KCNAB2: variants seen among roughly 807,000 people sequenced by gnomAD.
The protein encoded by KCNAB2 is voltage-gated potassium channel subunit beta-2.
In KCNAB2, 29 loss-of-function variants were observed where a neutral mutation model predicts 63.6. That is an observed-to-expected ratio of 0.46 (90% CI 0.34 to 0.62). The LOEUF (loss-of-function observed/expected upper bound fraction) is 0.62. Ranked by LOEUF, KCNAB2 falls within the 20% of genes least tolerant of loss-of-function variation. KCNAB2 has a pLI of 0.01. For synonymous variants in KCNAB2, 222 were observed against 224.2 expected (o/e 0.99, Z 0.09); for missense variants, 359 against 563.9 (o/e 0.64, Z 3.68).
rs914604786 is a variant in KCNAB2 at position 6,035,404 on chromosome 1, C to T, written c.-53+610C>T. Among the ~76,000 whole-genome samples the T allele has an allele frequency of 3.3e-5, 5 of 151,926 alleles. No homozygotes were observed. Among genetic ancestry groups the T allele is most frequent in the Non-Finnish European group, 4.4e-5 (3 of 68,004 alleles). On this transcript the variant is annotated intron_variant, in intron 1 of 15. Coordinates refer to the KCNAB2 transcript ENST00000164247. This position sits in a 1 kb window ranked among gnomAD's most constrained non-coding sequence, Gnocchi z 5.0. ...ACCCTGGCCGCGTAGAGTCTGCCGG[C>T]GGGGGTGGAGGTGGGCGCAGGGAAT...
chr1:6,006,609 C>G (rs1209659719), intron 1 of KCNAB2, among the ~76,000 whole-genome samples: 4 of 3,824 alleles, frequency 1.0e-3, no homozygotes, highest in South Asian at 0.01. Context: ...CTCAGCTCAG[C>G]TCCCACATCC....
chr1:6,089,135 A>C, intron 8 of KCNAB2, 84 bp downstream of exon 8: 3 of 1,397,094 alleles, frequency 2.1e-6, no homozygotes, highest in African/African-American at 2.9e-5. Flanking sequence ...ACAGGGCCCG[A>C]CCCCCCCAGT....
intron 5 of KCNAB2, among the ~76,000 whole-genome samples, chr1:6,084,765 G>A (rs538830922): frequency 1.8e-4 from 24 of 133,562 alleles, no homozygotes; most frequent in East Asian, 1.1e-3. Flanking sequence ...GCAGAGAGCC[G>A]AGATCTCGCC....
chr1:6,058,329 A>T (rs1359285596), intron 2 of KCNAB2, among the ~76,000 whole-genome samples: 3 of 152,222 alleles, frequency 2.0e-5, no homozygotes, highest in Admixed American at 2.0e-4. Context: ...GACCTGCCAC[A>T]GGCCCCAAGG....
chr1:6,095,113 TG>T (rs1665505446), intron 11 of KCNAB2, among the ~76,000 whole-genome samples: 1 of 152,354 alleles, frequency 6.6e-6, no homozygotes, highest in African/African-American at 2.4e-5. Context: ...CCCTCCGGCC[TG>T]GGGGTCCCAC....
chr1:6,030,404 A>G (rs1323128551), upstream of KCNAB2, among the ~76,000 whole-genome samples: 1 of 152,206 alleles, frequency 6.6e-6, no homozygotes, highest in Non-Finnish European at 1.5e-5. Flanking sequence ...AAAGCAAGTC[A>G]CATGGTTGCA....
intron 1 of KCNAB2, among the ~76,000 whole-genome samples, chr1:6,001,326 ACACACT>A (rs757867688): frequency 1.3e-5 from 2 of 148,444 alleles, no homozygotes; most frequent in Non-Finnish European, 3.0e-5. Flanking sequence ...ACACACACAC[ACACACT>A]CTCCCAACAC....
At chr1:6,005,548 C>T (rs1335566513) in intron 1 of KCNAB2, among the ~76,000 whole-genome samples, 1 of 150,544 alleles carries the variant, frequency 6.6e-6, no homozygotes, top group Admixed American at 6.6e-5. Context: ...GAGGGTCCCC[C>T]CTACCCCCCA....
chr1:6,052,105 C>T (rs1196360120), intron 2 of KCNAB2, among the ~76,000 whole-genome samples: 1 of 151,230 alleles, frequency 6.6e-6, no homozygotes, highest in African/African-American at 2.4e-5. Context: ...ACTGTCTCAA[C>T]AACAACAACA....
In KCNAB2 at chr1:6,100,293, C is replaced by A; in HGVS notation, c.*1719C>A. ...TGCCCCTGGCGCCTAGAACCCTTGC[C>A]CCTCCTCATAGACCAAGTCCCGGGG... On this transcript the variant is annotated 3_prime_UTR_variant, in exon 16 of 16. Coordinates refer to ENST00000378083, the MANE Select transcript of KCNAB2 (RefSeq NM_001199862.2). The A allele has an allele frequency of 2.3e-6, 1 of 432,334 alleles. No individual in the cohort carries two copies. The highest frequency in any genetic ancestry group is 6.1e-4 in the Middle Eastern group (1 of 1,634). 26.8% of individuals were successfully genotyped at this position (432,334 alleles called of 1,614,324 possible). A position where few individuals can be genotyped will look rare whatever the true frequency, so the allele number is the denominator to read the frequency against.
At position 6,096,838 on chromosome 1, in the gene KCNAB2, A is replaced by G; in HGVS notation, c.1069+82A>G. 3.5e-6 allele frequency: 5 copies of G among 1,448,884 alleles called. No individual in the cohort carries two copies. In the East Asian group the frequency reaches 1.3e-4, roughly 37 times the overall value. The allele number at this position is 1,448,884 out of a possible 1,614,324, so 89.8% of individuals were successfully genotyped here. A position where few individuals can be genotyped will look rare whatever the true frequency, so the allele number is the denominator to read the frequency against. On this transcript the variant is annotated intron_variant, in intron 14 of 15. Transcript: ENST00000378083. The surrounding 1 kb of genome is among the most constrained non-coding windows in gnomAD (Gnocchi z 5.9). ...CCGTAGGTAACAGGGTGGGGTTGCC[A>G]TGGGGCCAGTGTCTCCGGGGAGAGA...
chr1:5,999,283 G>A (rs921103298), intron 1 of KCNAB2, among the ~76,000 whole-genome samples: 1 of 152,176 alleles, frequency 6.6e-6, no homozygotes, highest in Non-Finnish European at 1.5e-5. Context: ...AGGCTTGTAG[G>A]GTGTGGCACC....
intron 2 of KCNAB2, chr1:6,040,724 T>TC: frequency 1.1e-6 from 1 of 897,184 alleles, no homozygotes; most frequent in East Asian, 2.6e-5. Flanking sequence ...GCCACTGTCC[T>TC]CCCCTCTGGA....
chr1:6,063,382 C>G (rs898713446), intron 2 of KCNAB2, among the ~76,000 whole-genome samples: 3 of 151,034 alleles, frequency 2.0e-5, no homozygotes, highest in Admixed American at 1.3e-4. Flanking sequence ...ATCATGTTTT[C>G]AAGGTTCATC....
At chr1:6,011,772 G>A (rs1051075169) in intron 1 of KCNAB2, among the ~76,000 whole-genome samples, 12 of 152,160 alleles carry the variant, frequency 7.9e-5, no homozygotes, top group Non-Finnish European at 1.2e-4. Flanking sequence ...GGATATCCGC[G>A]TGGATGGAGC....
At chr1:6,030,547 G>GTATGTGTGTATGTC (rs549226974), upstream of KCNAB2, among the ~76,000 whole-genome samples, 1 of 151,918 alleles carries the variant, frequency 6.6e-6, no homozygotes, top group Non-Finnish European at 1.5e-5. Flanking sequence ...ACATATGTGT[G>GTATGTGTGTATGTC]TATGTGTGTA....
intron 2 of KCNAB2, among the ~76,000 whole-genome samples, chr1:6,068,461 C>T (rs1662932856): frequency 1.3e-5 from 2 of 152,236 alleles, no homozygotes; most frequent in Non-Finnish European, 2.9e-5. Context: ...CTAGCACTCT[C>T]TGACTGAGGG....
chr1:6,090,382 C>T lies in KCNAB2; in HGVS notation c.515-7C>T. On this transcript the variant is annotated splice_region_variant and splice_polypyrimidine_tract_variant and intron_variant, in intron 8 of 15. Coordinates refer to ENST00000378083, the MANE Select transcript of KCNAB2 (RefSeq NM_001199862.2). ...CAGTGACGCCCCCCCACCTGGTCCTCCCCCAGGTCTGAAAGCTTCCCTGGA... is the reference window on the plus strand; with the variant it reads ...CAGTGACGCCCCCCCACCTGGTCCTTCCCCAGGTCTGAAAGCTTCCCTGGA... 6.2e-7 allele frequency: 1 copy of T among 1,607,692 alleles called. No individual in the cohort carries two copies. The highest frequency in any genetic ancestry group is 8.5e-7 in the Non-Finnish European group (1 of 1,174,498).
chr1:6,087,318 TATG>T lies in KCNAB2; in HGVS notation c.426-145_426-143del. 3.6e-6 allele frequency: 3 copies of T among 833,440 alleles called. No individual in the cohort carries two copies. The highest frequency in any genetic ancestry group is 6.1e-6 in the Non-Finnish European group (3 of 489,130). 51.6% of individuals were successfully genotyped at this position (833,440 alleles called of 1,614,324 possible). A position where few individuals can be genotyped will look rare whatever the true frequency, so the allele number is the denominator to read the frequency against. ...CCGGCTGGGCACGTGGTACACATCA[TATG>T]ATGGAGAAGTGCCCATTTCATGCCC... is the stretch of plus-strand genomic sequence containing the variant. On this transcript the variant is annotated intron_variant, in intron 6 of 15. Coordinates refer to ENST00000378083, the MANE Select transcript of KCNAB2 (RefSeq NM_001199862.2). This position sits in a 1 kb window ranked among gnomAD's most constrained non-coding sequence, Gnocchi z 6.4.
Sources: gnomAD v4.1 joint callset for allele counts (sites outside exome capture counted in the v4.1 genomes callset) on GRCh38, gnomAD v4.1.1 for gene constraint, Gnocchi (gnomAD v3.1) non-coding constraint, MANE v1.5 for transcripts, NCBI Gene and HGNC (gene_info 2026-07-23, HGNC 2026-07-21) for gene names.